VTI1B: variants seen among roughly 807,000 people sequenced by gnomAD.
VTI1B encodes the protein vesicle transport through interaction with t-SNAREs homolog 1B.
In VTI1B, 18 loss-of-function variants were observed where a neutral mutation model predicts 28.6. The observed-to-expected ratio is 0.63, with a 90% CI of 0.43 to 0.93. The LOEUF (loss-of-function observed/expected upper bound fraction) is 0.93. Ranked by LOEUF, VTI1B falls within the 40% of genes least tolerant of loss-of-function variation. The pLI, the probability that VTI1B is intolerant of heterozygous loss-of-function variation, is 0.00. For missense variants in VTI1B, 283 were observed against 297.0 expected (o/e 0.95, Z 0.35); for synonymous variants, 100 against 107.9 (o/e 0.93, Z 0.46).
chr14:67,662,977 C>T (rs1594838893), intron 1 of VTI1B: 1 of 1,369,752 alleles, frequency 7.3e-7, no homozygotes, highest in Non-Finnish European at 9.4e-7. Context: ...CAGTGAACCA[C>T]TTCTATGTTA....
chr14:67,656,211 A>G (rs2037254491), intron 4 of VTI1B, among the ~76,000 whole-genome samples: 1 of 151,070 alleles, frequency 6.6e-6, no homozygotes, highest in Non-Finnish European at 1.5e-5. Context: ...ACGCCACTGC[A>G]CTCCAGCCTG....
At chr14:67,658,568 G>A (rs150543773) in intron 3 of VTI1B, among the ~76,000 whole-genome samples, 5,574 of 152,284 alleles carry the variant, frequency 0.037, 143 homozygotes, top group Non-Finnish European at 0.058. Context: ...CTGCACTCCA[G>A]CCTGGGTGAC....
chr14:67,667,885 A>G (rs1261860179), intron 1 of VTI1B, among the ~76,000 whole-genome samples: 2 of 152,194 alleles, frequency 1.3e-5, no homozygotes, highest in Admixed American at 1.3e-4. Context: ...CAGAAGTTGC[A>G]GTGAGCCGAG....
intron 1 of VTI1B, among the ~76,000 whole-genome samples, chr14:67,667,422 AG>A (rs1236388902): frequency 4.6e-5 from 7 of 152,230 alleles, no homozygotes; most frequent in African/African-American, 7.2e-5. Context: ...AAGAGTTAAA[AG>A]CAACAGAGAT....
intron 1 of VTI1B, among the ~76,000 whole-genome samples, chr14:67,670,873 A>C (rs1437862148): frequency 6.6e-6 from 1 of 152,228 alleles, no homozygotes; most frequent in African/African-American, 2.4e-5. Context: ...CAGAGCCTAG[A>C]CAGTGGCTGA....
rs2037224076 is a variant in VTI1B, at chr14:67,654,159, T to C, written c.541-661A>G. The stretch of plus-strand genomic sequence containing the variant: ...TCTCACTCCGTCACTCAGGCTGGAG[T>C]GCAGTGCTGCAATCGCAGCTCACTG... On this transcript the variant is annotated intron_variant, in intron 4 of 5. Transcript: ENST00000554659. Among the ~76,000 whole-genome samples the C allele has an allele frequency of 2.6e-5, 4 of 152,158 alleles. No homozygotes were observed. In the South Asian group the frequency reaches 8.3e-4, roughly 32 times the overall value.
chr14:67,660,227 T>C (rs1421208777), intron 2 of VTI1B: 1 of 194,340 alleles, frequency 5.1e-6, no homozygotes, highest in African/African-American at 2.3e-5. Flanking sequence ...TCACAACAAA[T>C]CAATAAGGTA....
intron 1 of VTI1B, among the ~76,000 whole-genome samples, chr14:67,664,043 C>T (rs923935609): frequency 6.6e-6 from 1 of 152,188 alleles, no homozygotes; most frequent in Non-Finnish European, 1.5e-5. Flanking sequence ...TGGAAATCTA[C>T]ACATAATCTA....
At chr14:67,656,019 G>A (rs980013606) in intron 4 of VTI1B, among the ~76,000 whole-genome samples, 1 of 152,174 alleles carries the variant, frequency 6.6e-6, no homozygotes, top group African/African-American at 2.4e-5. Flanking sequence ...GCCGGAGCAG[G>A]TGGATCACCT....
chr14:67,672,463 T>G (rs1343819973), intron 1 of VTI1B, among the ~76,000 whole-genome samples: 1 of 137,230 alleles, frequency 7.3e-6, no homozygotes, highest in African/African-American at 2.8e-5. Flanking sequence ...TTTTTTTTTT[T>G]GATACAGAGT....
intron 2 of VTI1B, 68 bp from the exon 3 acceptor site, chr14:67,659,990 T>A: frequency 6.8e-7 from 1 of 1,466,398 alleles, no homozygotes; most frequent in Non-Finnish European, 9.3e-7. Context: ...ATATGCCTAG[T>A]TTGGACTAAT....
In VTI1B at chr14:67,648,058, C is replaced by T; in HGVS notation, c.*3327G>A. 1 of 1,611,714 alleles carries T rather than the reference C, an allele frequency of 6.2e-7. No homozygotes were observed. The highest frequency in any genetic ancestry group is 2.2e-5 in the East Asian group (1 of 44,672). Reference sequence around the variant, plus strand: ...CTCTTCCTTTTTAGGAGACAAAGACCAATCCATTTGAGTTTTGATATTGAT... The same window carrying T: ...CTCTTCCTTTTTAGGAGACAAAGACTAATCCATTTGAGTTTTGATATTGAT... On this transcript the variant is annotated 3_prime_UTR_variant, in exon 6 of 6. Transcript: ENST00000554659.
At chr14:67,653,597 G>A (rs906909982) in intron 4 of VTI1B, 99 bp from the exon 5 acceptor site, 2 of 1,077,070 alleles carry the variant, frequency 1.9e-6, no homozygotes, top group African/African-American at 3.2e-5. Context: ...GATATATGTT[G>A]AAAAATTCCA....
At chr14:67,661,111 CAA>C (rs2037327913) in intron 2 of VTI1B, among the ~76,000 whole-genome samples, 1 of 151,746 alleles carries the variant, frequency 6.6e-6, no homozygotes, top group South Asian at 2.1e-4. Flanking sequence ...GTTCGCTGGC[CAA>C]AAGAGAATTT....
At chr14:67,659,088 G>A (rs947002258) in intron 3 of VTI1B, among the ~76,000 whole-genome samples, 5 of 152,164 alleles carry the variant, frequency 3.3e-5, no homozygotes, top group African/African-American at 1.2e-4. Context: ...AGCTGCTCTA[G>A]ATGGTTTCAG....
chr14:67,662,836 G>A (rs1160221215), intron 1 of VTI1B, among the ~76,000 whole-genome samples: 1 of 147,838 alleles, frequency 6.8e-6, no homozygotes, highest in African/African-American at 2.5e-5. Flanking sequence ...CCAGGAGGTG[G>A]AAGTGGCAAT....
At chr14:67,664,779 G>A (rs569753307) in intron 1 of VTI1B, among the ~76,000 whole-genome samples, 1 of 152,326 alleles carries the variant, frequency 6.6e-6, no homozygotes, top group East Asian at 1.9e-4. Flanking sequence ...GAGAACAGAT[G>A]AGCCGGGCTT....
chr14:67,671,971 G>C (rs1045077902), intron 1 of VTI1B, among the ~76,000 whole-genome samples: 3 of 152,184 alleles, frequency 2.0e-5, no homozygotes, highest in Non-Finnish European at 2.9e-5. Context: ...GCAAATAAAT[G>C]TCAACATAAG....
At chr14:67,654,066 A>C (rs1045651329) in intron 4 of VTI1B, among the ~76,000 whole-genome samples, 2 of 152,242 alleles carry the variant, frequency 1.3e-5, no homozygotes, top group East Asian at 1.9e-4. Context: ...ATCTGTTCCC[A>C]TTCCCCAGTG....
Sources: gnomAD v4.1 joint callset for allele counts (sites outside exome capture counted in the v4.1 genomes callset) on GRCh38, gnomAD v4.1.1 for gene constraint, MANE v1.5 for transcripts, NCBI Gene and HGNC (gene_info 2026-07-23, HGNC 2026-07-21) for gene names.